ARHGAP24: variants seen among roughly 807,000 people sequenced by gnomAD.
ARHGAP24 encodes Rho GTPase activating protein 24.
In ARHGAP24, 50 loss-of-function variants were observed where a neutral mutation model predicts 76.4. That is an observed-to-expected ratio of 0.65 (90% CI 0.52 to 0.83). ARHGAP24 has a LOEUF of 0.83. Ranked by LOEUF, ARHGAP24 falls within the 40% of genes least tolerant of loss-of-function variation. The probability of loss-of-function intolerance (pLI) is 0.00; values close to 1 mark genes in which losing one functional copy is unlikely to be tolerated. For synonymous variants in ARHGAP24, 345 were observed against 323.3 expected (o/e 1.07, Z -0.72); for missense variants, 930 against 914.2 (o/e 1.02, Z -0.22).
chr4:85,914,062 T>G (rs559387896), intron 3 of ARHGAP24, among the ~76,000 whole-genome samples: 1 of 152,304 alleles, frequency 6.6e-6, no homozygotes, highest in East Asian at 1.9e-4. Flanking sequence ...GCTCACAAAT[T>G]TGCCAGACTC....
intron 4 of ARHGAP24, among the ~76,000 whole-genome samples, chr4:85,938,691 T>G (rs1405904261): frequency 6.6e-6 from 1 of 152,202 alleles, no homozygotes; most frequent in Non-Finnish European, 1.5e-5. Context: ...CACAGGAATT[T>G]TAAATCATAT....
At chr4:85,857,587 G>A (rs2110171715) in intron 3 of ARHGAP24, among the ~76,000 whole-genome samples, 2 of 152,132 alleles carry the variant, frequency 1.3e-5, no homozygotes, top group East Asian at 3.9e-4. Flanking sequence ...CAGTTTTGGT[G>A]GTAGGGAAAT....
chr4:85,724,294 T>A (rs1225243106), intron 3 of ARHGAP24, among the ~76,000 whole-genome samples: 1 of 152,130 alleles, frequency 6.6e-6, no homozygotes, highest in African/African-American at 2.4e-5. Context: ...CTCTCCAGAG[T>A]TTATGAGTGA....
chr4:85,633,978 C>T (rs1043581545), intron 2 of ARHGAP24, among the ~76,000 whole-genome samples: 1 of 151,762 alleles, frequency 6.6e-6, no homozygotes. Context: ...GGAACACTCC[C>T]CCTTCAGAAG....
At chr4:85,582,998 C>T (rs994091813) in intron 2 of ARHGAP24, among the ~76,000 whole-genome samples, 4 of 152,080 alleles carry the variant, frequency 2.6e-5, no homozygotes, top group Admixed American at 6.6e-5. Context: ...TGCGGTGCTT[C>T]CCTGGGGACT....
intron 2 of ARHGAP24, among the ~76,000 whole-genome samples, chr4:85,703,202 GA>G (rs1214990597): frequency 1.3e-5 from 2 of 152,138 alleles, no homozygotes; most frequent in African/African-American, 4.8e-5. Context: ...AGACTTGTAA[GA>G]AATTCATTCA....
At chr4:85,974,048 G>A (rs973774462) in intron 6 of ARHGAP24, among the ~76,000 whole-genome samples, 1 of 149,228 alleles carries the variant, frequency 6.7e-6, no homozygotes, top group African/African-American at 2.5e-5. Context: ...GTAGAGATGG[G>A]GGTTTCACCT....
At chr4:85,889,975 T>A (rs1733795244) in intron 3 of ARHGAP24, among the ~76,000 whole-genome samples, 1 of 152,084 alleles carries the variant, frequency 6.6e-6, no homozygotes, top group Admixed American at 6.6e-5. Flanking sequence ...CCTAAATCCA[T>A]GATCTGAAAA....
chr4:85,638,152 T>C (rs1721394824), intron 2 of ARHGAP24, among the ~76,000 whole-genome samples: 1 of 152,176 alleles, frequency 6.6e-6, no homozygotes. Context: ...TTCATGACTG[T>C]ACGTCAGCCC....
Position 85,572,993 on chromosome 4 carries a change from C to T in ARHGAP24, c.180+2272C>T, listed in dbSNP as rs191551732. Among the ~76,000 whole-genome samples, 28 of 150,214 alleles carry T rather than the reference C, an allele frequency of 1.9e-4. No homozygotes were observed. In the East Asian group the frequency reaches 4.0e-3, roughly 21 times the overall value. ...CTGGGTTCAAGCGATTCTCCTGTCT[C>T]AGGACCCCAAGTAGCTGGGACTACA... On this transcript the variant is annotated intron_variant, in intron 2 of 9. Coordinates refer to ENST00000395184, the MANE Select transcript of ARHGAP24 (RefSeq NM_001025616.3).
At chr4:85,750,537 C>A (rs1726222119) in intron 3 of ARHGAP24, among the ~76,000 whole-genome samples, 1 of 131,284 alleles carries the variant, frequency 7.6e-6, no homozygotes, top group Non-Finnish European at 1.5e-5. Flanking sequence ...GCTCTGTTAC[C>A]CAGGCTGGAG....
intron 2 of ARHGAP24, among the ~76,000 whole-genome samples, chr4:85,585,025 C>G (rs1031226137): frequency 3.3e-5 from 5 of 152,142 alleles, no homozygotes; most frequent in African/African-American, 1.2e-4. Context: ...CTTGCTAAAA[C>G]CCATCTACTT....
At chr4:85,633,331 T>G (rs1721218494) in intron 2 of ARHGAP24, among the ~76,000 whole-genome samples, 1 of 151,954 alleles carries the variant, frequency 6.6e-6, no homozygotes, top group Non-Finnish European at 1.5e-5. Context: ...TGTTTCAGAA[T>G]GTTTAGAAAG....
intron 2 of ARHGAP24, among the ~76,000 whole-genome samples, chr4:85,681,230 A>C (rs1028076404): frequency 1.3e-5 from 2 of 152,182 alleles, no homozygotes; most frequent in Non-Finnish European, 2.9e-5. Flanking sequence ...CATTATAAGA[A>C]GCCAACCAGC....
chr4:85,735,307 G>C (rs12505724), intron 3 of ARHGAP24, among the ~76,000 whole-genome samples: 22,947 of 152,040 alleles, frequency 0.15, 2,391 homozygotes, highest in East Asian at 0.55. Flanking sequence ...CCATCATCCA[G>C]CACCTCACGT....
chr4:85,556,882 T>C (rs1433433911), intron 1 of ARHGAP24, among the ~76,000 whole-genome samples: 2 of 151,832 alleles, frequency 1.3e-5, no homozygotes, highest in African/African-American at 4.8e-5. Flanking sequence ...CTGCTACCAT[T>C]CTGAGAGCCC....
intron 3 of ARHGAP24, among the ~76,000 whole-genome samples, chr4:85,883,309 G>A (rs755191849): frequency 2.4e-4 from 36 of 152,178 alleles, no homozygotes; most frequent in Non-Finnish European, 4.1e-4. Context: ...GGTTTTTGTG[G>A]TTTTTAACCA....
At chr4:85,557,124 G>C (rs12510645) in intron 1 of ARHGAP24, among the ~76,000 whole-genome samples, 38,803 of 152,154 alleles carry the variant, frequency 0.26, 6,373 homozygotes, top group East Asian at 0.79. Flanking sequence ...TCTGTCCCAG[G>C]GAATTGCAGA....
intron 1 of ARHGAP24, among the ~76,000 whole-genome samples, chr4:85,504,888 T>G (rs1336726476): frequency 1.3e-5 from 2 of 152,192 alleles, no homozygotes; most frequent in African/African-American, 4.8e-5. Flanking sequence ...TAGTGCTTCT[T>G]TCAGGAGCTC....
Sources: gnomAD v4.1 joint callset for allele counts (sites outside exome capture counted in the v4.1 genomes callset) on GRCh38, gnomAD v4.1.1 for gene constraint, MANE v1.5 for transcripts, NCBI Gene and HGNC (gene_info 2026-07-23, HGNC 2026-07-21) for gene names.